SCYL3: variants seen among roughly 807,000 people sequenced by gnomAD.
SCYL3 encodes the protein SCY1 like pseudokinase 3, also known as protein-associating with the carboxyl-terminal domain of ezrin.
In SCYL3, 35 loss-of-function variants were observed where a neutral mutation model predicts 73.8. That is an observed-to-expected ratio of 0.47 (90% CI 0.36 to 0.63). The LOEUF (loss-of-function observed/expected upper bound fraction) is 0.63, where lower values mean the gene tolerates loss of function less well. Among genes scored for constraint, SCYL3 ranks in the 20% least tolerant of loss-of-function variants. The pLI, the probability that SCYL3 is intolerant of heterozygous loss-of-function variation, is 0.00. For missense variants in SCYL3, 712 were observed against 798.9 expected (o/e 0.89, Z 1.31); for synonymous variants, 277 against 295.2 (o/e 0.94, Z 0.63).
rs1658332462 is a variant in SCYL3 at position 169,851,503 on chromosome 1, A to AT, written c.*2209dup. 1 of 233,522 alleles carries AT rather than the reference A, an allele frequency of 4.3e-6. No homozygotes were observed. Among genetic ancestry groups the AT allele is most frequent in the African/African-American group, 2.3e-5 (1 of 43,664 alleles). The allele number at this position is 233,522 out of a possible 1,614,324, so 14.5% of individuals were successfully genotyped here. A position where few individuals can be genotyped will look rare whatever the true frequency, so the allele number is the denominator to read the frequency against. ...ATGAGCCACCACACTTGGCCTACTT[A>AT]TATTACATCTAAGCTGGATTTTAAG... On this transcript the variant is annotated 3_prime_UTR_variant, in exon 13 of 13. Transcript: ENST00000367771.
intron 1 of SCYL3, among the ~76,000 whole-genome samples, chr1:169,889,410 C>G (rs1480345766): frequency 6.6e-6 from 1 of 151,826 alleles, no homozygotes; most frequent in African/African-American, 2.4e-5. Flanking sequence ...AAATGAAGAG[C>G]TCATATAAAC....
At position 169,850,948 on chromosome 1, in the gene SCYL3, A is replaced by C. The variant is rs1658104670; in HGVS notation, c.*2765T>G. 1 of 123,570 alleles carries C rather than the reference A, an allele frequency of 8.1e-6. No individual in the cohort carries two copies. The highest frequency in any genetic ancestry group is 1.6e-5 in the Non-Finnish European group (1 of 61,272). The allele number at this position is 123,570 out of a possible 1,614,324, so 7.7% of individuals were successfully genotyped here. A position where few individuals can be genotyped will look rare whatever the true frequency, so the allele number is the denominator to read the frequency against. ...ATTAGGTAGGCCTGAGAGGATGTTT[A>C]CTACCATATTTTGGGTATAATTTAG... On this transcript the variant is annotated 3_prime_UTR_variant, in exon 13 of 13. Coordinates refer to ENST00000367771, the MANE Select transcript of SCYL3 (RefSeq NM_020423.7).
intron 11 of SCYL3, among the ~76,000 whole-genome samples, chr1:169,855,388 G>A (rs1659038793): frequency 6.6e-6 from 1 of 152,202 alleles, no homozygotes. Flanking sequence ...TTCCCTAAGT[G>A]TAGTAGTTAA....
intron 5 of SCYL3, among the ~76,000 whole-genome samples, chr1:169,872,712 C>A (rs566751274): frequency 3.3e-5 from 5 of 152,218 alleles, no homozygotes; most frequent in Non-Finnish European, 7.4e-5. Context: ...GGGAACCCAC[C>A]GCTTGCATCA....
chr1:169,864,321 A>G, intron 9 of SCYL3, 48 bp downstream of exon 9: 1 of 1,611,616 alleles, frequency 6.2e-7, no homozygotes, highest in Non-Finnish European at 8.5e-7. Flanking sequence ...ATGGACTAAT[A>G]ATCACCAAAC....
chr1:169,880,116 A>G (rs1661143135), intron 2 of SCYL3, among the ~76,000 whole-genome samples: 1 of 152,022 alleles, frequency 6.6e-6, no homozygotes. Flanking sequence ...AAGAAAAATT[A>G]AGAAAGAAAA....
At chr1:169,870,987 G>A (rs919387618) in intron 5 of SCYL3, among the ~76,000 whole-genome samples, 42 of 152,084 alleles carry the variant, frequency 2.8e-4, no homozygotes, top group African/African-American at 8.2e-4. Flanking sequence ...ATTTATAGAA[G>A]GAGCATCTGC....
At chr1:169,893,267 C>T (rs1394901035) in intron 1 of SCYL3, among the ~76,000 whole-genome samples, 2 of 152,202 alleles carry the variant, frequency 1.3e-5, no homozygotes, top group Non-Finnish European at 2.9e-5. Flanking sequence ...AGACAGGAGC[C>T]AGCTGGGCCT....
At chr1:169,867,895 T>C (rs944624029) in intron 7 of SCYL3, among the ~76,000 whole-genome samples, 3 of 152,148 alleles carry the variant, frequency 2.0e-5, no homozygotes, top group African/African-American at 7.2e-5. Context: ...AGAGAATCTA[T>C]TTACCATAAG....
chr1:169,867,959 T>C (rs1000035839), intron 7 of SCYL3, among the ~76,000 whole-genome samples: 1 of 152,196 alleles, frequency 6.6e-6, no homozygotes, highest in African/African-American at 2.4e-5. Flanking sequence ...TTTCTAAGAA[T>C]CATCCAAAAG....
intron 6 of SCYL3, 85 bp downstream of exon 6, chr1:169,870,170 T>C: frequency 1.0e-6 from 1 of 1,001,458 alleles, no homozygotes; most frequent in Non-Finnish European, 1.5e-6. Context: ...GCTCAAAGAC[T>C]GTAGTCCTTT....
chr1:169,856,209 T>C (rs536707964), intron 11 of SCYL3, among the ~76,000 whole-genome samples: 16 of 152,286 alleles, frequency 1.1e-4, no homozygotes, highest in African/African-American at 2.6e-4. Context: ...TACACAGATA[T>C]AACCTTTGGG....
intron 10 of SCYL3, among the ~76,000 whole-genome samples, chr1:169,862,285 C>T (rs1659703876): frequency 6.6e-6 from 1 of 152,170 alleles, no homozygotes; most frequent in Non-Finnish European, 1.5e-5. Flanking sequence ...TCTCATGCTC[C>T]TCTCTGTTCT....
intron 2 of SCYL3, among the ~76,000 whole-genome samples, chr1:169,886,053 C>T (rs1661660397): frequency 1.3e-5 from 2 of 152,184 alleles, no homozygotes; most frequent in South Asian, 4.1e-4. Flanking sequence ...TGGCTCATGC[C>T]TGTAATCCCA....
Position 169,892,518 on chromosome 1 carries a change from G to A in SCYL3, c.-51+1270C>T, listed in dbSNP as rs183996595. Among the ~76,000 whole-genome samples, 637 of 152,252 alleles carry A rather than the reference G, an allele frequency of 4.2e-3. 22 individuals carry two copies. Among genetic ancestry groups the A allele is most frequent in the Non-Finnish European group, 9.6e-4 (65 of 68,010 alleles). On this transcript the variant is annotated intron_variant, in intron 1 of 12. Coordinates refer to ENST00000367771, the MANE Select transcript of SCYL3 (RefSeq NM_020423.7). ...AATGCTTTCCTGTTGTTTTGAGGAC[G>A]GGGAAAACACAAAATCTTGCTCATT... is the stretch of plus-strand genomic sequence containing the variant.
In SCYL3 at chr1:169,852,123, A is replaced by G. The variant is rs1307181782; in HGVS notation, c.*1590T>C. 11 of 699,066 alleles carry G rather than the reference A, an allele frequency of 1.6e-5. No individual in the cohort carries two copies. Among genetic ancestry groups the G allele is most frequent in the Non-Finnish European group, 2.6e-5 (11 of 417,676 alleles). The allele number at this position is 699,066 out of a possible 1,614,324, so 43.3% of individuals were successfully genotyped here. On this transcript the variant is annotated 3_prime_UTR_variant, in exon 13 of 13. Transcript: ENST00000367771. ...TTAAGAAGTGGGACTACACCATATC[A>G]AATATATTCTTTCAGTATGTTTGAA...
intron 12 of SCYL3, 26 bp downstream of exon 12, chr1:169,854,242 GCA>G: frequency 6.6e-7 from 1 of 1,521,582 alleles, no homozygotes; most frequent in East Asian, 2.3e-5. Flanking sequence ...AAAGCTAGTA[GCA>G]CAGTTTACTC....
At chr1:169,876,132 G>T in intron 3 of SCYL3, 41 bp from the exon 4 acceptor site, 2 of 1,161,826 alleles carry the variant, frequency 1.7e-6, no homozygotes, top group Non-Finnish European at 2.4e-6. Flanking sequence ...GCCACTCCAG[G>T]ATCTGAAATA....
intron 5 of SCYL3, among the ~76,000 whole-genome samples, chr1:169,870,925 A>G (rs1200223893): frequency 6.6e-6 from 1 of 152,222 alleles, no homozygotes; most frequent in East Asian, 1.9e-4. Flanking sequence ...TATTTCCTGT[A>G]AAGCACACTA....
Sources: gnomAD v4.1 joint callset for allele counts (sites outside exome capture counted in the v4.1 genomes callset) on GRCh38, gnomAD v4.1.1 for gene constraint, MANE v1.5 for transcripts, NCBI Gene and HGNC (gene_info 2026-07-23, HGNC 2026-07-21) for gene names.